The following TMEM108 variants were observed in gnomAD, a reference collection of about 807,000 sequenced individuals.
The protein encoded by TMEM108 is transmembrane protein 108, also known as cancer/testis antigen 124.
TMEM108 carries 12 observed loss-of-function variants against 35.1 expected under a neutral mutation model. The observed-to-expected ratio is 0.34, with a 90% CI of 0.22 to 0.55. The LOEUF is 0.55. Among genes scored for constraint, TMEM108 ranks in the 20% least tolerant of loss-of-function variants. The probability of loss-of-function intolerance (pLI) is 0.89; values close to 1 mark genes in which losing one functional copy is unlikely to be tolerated. For synonymous variants in TMEM108, 287 were observed against 308.6 expected, an observed-to-expected ratio of 0.93 and a Z score of 0.73; for missense variants, 680 against 753.3, an observed-to-expected ratio of 0.90 and a Z score of 1.14.
At chr3:133,304,888 C>G (rs1018600409) in intron 3 of TMEM108, among the ~76,000 whole-genome samples, 1 of 151,968 alleles carries the variant, frequency 6.6e-6, no homozygotes, top group African/African-American at 2.4e-5. Flanking sequence ...TCAACAGCAG[C>G]TTGACCAACA....
At chr3:133,211,665 A>C (rs1945835185) in intron 2 of TMEM108, among the ~76,000 whole-genome samples, 1 of 152,202 alleles carries the variant, frequency 6.6e-6, no homozygotes, top group African/African-American at 2.4e-5. Context: ...CATTCTAATA[A>C]GCCTCAAACT....
chr3:133,262,321 A>T lies in TMEM108; in HGVS notation c.40+32970A>T, dbSNP rs534741189. ...TTTCAACATATTGTATCTATTCTGTATAGTGTCATATATTATTTAAATGTA... is the reference window on the plus strand; with the variant it reads ...TTTCAACATATTGTATCTATTCTGTTTAGTGTCATATATTATTTAAATGTA... On this transcript the variant is annotated intron_variant, in intron 3 of 5. Coordinates refer to ENST00000321871, the MANE Select transcript of TMEM108 (RefSeq NM_023943.4). Among the ~76,000 whole-genome samples the T allele has an allele frequency of 2.2e-3, 338 of 152,360 alleles. 1 individual carries two copies. The highest frequency in any genetic ancestry group is 3.0e-3 in the Non-Finnish European group (203 of 68,038).
At chr3:133,052,295 T>C (rs1442983625) in intron 2 of TMEM108, among the ~76,000 whole-genome samples, 1 of 152,108 alleles carries the variant, frequency 6.6e-6, no homozygotes, top group African/African-American at 2.4e-5. Flanking sequence ...TTATTGCTGA[T>C]ATGTAGGAAA....
chr3:133,328,524 C>A (rs1244565031), intron 3 of TMEM108, among the ~76,000 whole-genome samples: 1 of 152,148 alleles, frequency 6.6e-6, no homozygotes, highest in Non-Finnish European at 1.5e-5. Context: ...TATGGTGGCC[C>A]CAGCCTGGTT....
At chr3:133,217,656 T>C (rs78609605) in intron 2 of TMEM108, among the ~76,000 whole-genome samples, 1,714 of 152,188 alleles carry the variant, frequency 0.011, 38 homozygotes, top group African/African-American at 0.039. Context: ...TGATATTCAA[T>C]TTTCCCAATG....
chr3:133,147,078 G>C (rs1047911352), intron 2 of TMEM108, among the ~76,000 whole-genome samples: 7 of 152,108 alleles, frequency 4.6e-5, no homozygotes, highest in African/African-American at 1.4e-4. Flanking sequence ...GATCTTTCCT[G>C]CTTTCTCCTG....
At chr3:133,148,470 A>T (rs986436653) in intron 2 of TMEM108, among the ~76,000 whole-genome samples, 1 of 152,174 alleles carries the variant, frequency 6.6e-6, no homozygotes, top group Non-Finnish European at 1.5e-5. Context: ...TTAATAATAA[A>T]AAAAAATCTT....
At chr3:133,387,831 A>G (rs1423422640) in intron 4 of TMEM108, 4 of 985,378 alleles carry the variant, frequency 4.1e-6, no homozygotes, top group Non-Finnish European at 4.8e-6. Context: ...CTAATTCTAA[A>G]TTCGATGTCC....
chr3:133,190,088 C>T (rs1211466607), intron 2 of TMEM108, among the ~76,000 whole-genome samples: 1 of 127,238 alleles, frequency 7.9e-6, no homozygotes, highest in African/African-American at 2.7e-5. Context: ...AAGGCTGGCA[C>T]TGCAAGGAAA....
intron 2 of TMEM108, among the ~76,000 whole-genome samples, chr3:133,208,296 C>T (rs543346756): frequency 4.1e-4 from 62 of 152,130 alleles, no homozygotes; most frequent in African/African-American, 1.5e-3. Context: ...GTGTAGACCA[C>T]GTGGTAACAT....
At chr3:133,161,127 C>T (rs1011430574) in intron 2 of TMEM108, among the ~76,000 whole-genome samples, 1 of 152,194 alleles carries the variant, frequency 6.6e-6, no homozygotes, top group African/African-American at 2.4e-5. Flanking sequence ...GATCTGGTCC[C>T]GCCTCTACCT....
At chr3:133,256,351 A>G (rs1248122912) in intron 3 of TMEM108, among the ~76,000 whole-genome samples, 1 of 152,226 alleles carries the variant, frequency 6.6e-6, no homozygotes, top group African/African-American at 2.4e-5. Context: ...GAAAAAGAAC[A>G]TTTCTTCTGA....
At chr3:133,157,639 C>T (rs922642451) in intron 2 of TMEM108, among the ~76,000 whole-genome samples, 1 of 152,142 alleles carries the variant, frequency 6.6e-6, no homozygotes, top group Non-Finnish European at 1.5e-5. Flanking sequence ...TGGTATTCTG[C>T]TTAAGAGTAC....
Position 133,291,794 on chromosome 3 carries a change from C to T in TMEM108, c.40+62443C>T, listed in dbSNP as rs575830100. 1.8e-4 allele frequency among the ~76,000 whole-genome samples: 27 copies of T among 152,266 alleles called. No individual in the cohort carries two copies. The South Asian group carries it at 3.7e-3, about 21-fold the overall frequency. On this transcript the variant is annotated intron_variant, in intron 3 of 5. Coordinates refer to ENST00000321871, the MANE Select transcript of TMEM108 (RefSeq NM_023943.4). ...CAGGGTTCCTCAAGGTACCTGGAGC[C>T]GTTTCAACTCCTTTCCCATCTATCT...
At chr3:133,310,498 T>C (rs1346014323) in intron 3 of TMEM108, among the ~76,000 whole-genome samples, 10 of 151,054 alleles carry the variant, frequency 6.6e-5, no homozygotes, top group African/African-American at 2.2e-4. Context: ...GTTTAAAGTC[T>C]GTTTTATCAG....
chr3:133,087,296 C>T (rs1251352139), intron 2 of TMEM108, among the ~76,000 whole-genome samples: 1 of 152,190 alleles, frequency 6.6e-6, no homozygotes, highest in Non-Finnish European at 1.5e-5. Context: ...ACCTTACCAT[C>T]CCATGCACCT....
rs1943230975 is a variant in TMEM108, at chr3:133,038,420, G to A, written c.-181G>A. On this transcript the variant is annotated 5_prime_UTR_variant, in exon 1 of 6. Coordinates refer to ENST00000321871, the MANE Select transcript of TMEM108 (RefSeq NM_023943.4). The stretch of plus-strand genomic sequence containing the variant: ...TCTCCTGAGCCGTCGGAGGGAGCCG[G>A]AGCGCTTCTCCCGAGGTAAGCGGCG... 6.6e-6 allele frequency: 1 copy of A among 152,358 alleles called. No homozygotes were observed. Among genetic ancestry groups the A allele is most frequent in the African/African-American group, 2.4e-5 (1 of 41,466 alleles). The allele number at this position is 152,358 out of a possible 1,614,324, so 9.4% of individuals were successfully genotyped here.
At chr3:133,040,211 T>TG (rs1029950914) in intron 1 of TMEM108, among the ~76,000 whole-genome samples, 3 of 148,270 alleles carry the variant, frequency 2.0e-5, no homozygotes, top group African/African-American at 7.6e-5. Context: ...TGTTTGTTTT[T>TG]TTTTTTTTTT....
intron 3 of TMEM108, among the ~76,000 whole-genome samples, chr3:133,298,820 C>T (rs540872132): frequency 7.4e-4 from 112 of 152,232 alleles, no homozygotes; most frequent in African/African-American, 2.4e-3. Context: ...TTTATTTAAC[C>T]ACCTTTCTAC....
Sources: allele counts gnomAD v4.1 joint callset (sites outside exome capture counted in the v4.1 genomes callset), GRCh38; gene constraint gnomAD v4.1.1; transcripts MANE v1.5; gene names NCBI Gene and HGNC (gene_info 2026-07-23, HGNC 2026-07-21).